MTUS2: variants seen among roughly 807,000 people sequenced by gnomAD.
MTUS2 encodes microtubule-associated tumor suppressor candidate 2.
In MTUS2, 40 loss-of-function variants were observed where a neutral mutation model predicts 114.1. The ratio of observed to expected loss-of-function variants is 0.35; its 90% CI spans 0.27 to 0.46. MTUS2 has a LOEUF of 0.46. MTUS2 is among the 20% of genes least tolerant of loss of function. The pLI, the probability that MTUS2 is intolerant of heterozygous loss-of-function variation, is 1.00. For synonymous variants in MTUS2, 688 were observed against 672.0 expected (o/e 1.02, Z -0.37); for missense variants, 1,679 against 1,705.4 (o/e 0.98, Z 0.27).
At chr13:29,484,388 C>T (rs1881435097) in intron 10 of MTUS2, among the ~76,000 whole-genome samples, 1 of 152,232 alleles carries the variant, frequency 6.6e-6, no homozygotes. Context: ...CCTGGGGGCC[C>T]TTGTCTCTCA....
At chr13:29,389,439 A>ATGTATACACGTGTGTG (rs1407024136) in intron 8 of MTUS2, among the ~76,000 whole-genome samples, 3 of 79,436 alleles carry the variant, frequency 3.8e-5, no homozygotes, top group African/African-American at 1.7e-4. Context: ...ACGTGTGTGT[A>ATGTATACACGTGTGTG]TGTGTATGTA....
chr13:28,896,575 A>G (rs974816429), intron 2 of MTUS2, among the ~76,000 whole-genome samples: 10 of 152,220 alleles, frequency 6.6e-5, no homozygotes, highest in African/African-American at 2.4e-4. Flanking sequence ...TGGAACCAAA[A>G]AAGAGCCCTC....
At chr13:28,934,619 G>A (rs1426877370) in intron 2 of MTUS2, among the ~76,000 whole-genome samples, 1 of 152,138 alleles carries the variant, frequency 6.6e-6, no homozygotes, top group Admixed American at 6.5e-5. Flanking sequence ...CCCCTCCCGG[G>A]TTCAAGCGAT....
chr13:29,107,885 T>C (rs970063557), intron 5 of MTUS2, among the ~76,000 whole-genome samples: 1 of 152,216 alleles, frequency 6.6e-6, no homozygotes, highest in Non-Finnish European at 1.5e-5. Flanking sequence ...CTTGTTTTAA[T>C]ATATAAAATA....
chr13:29,001,097 A>T (rs1885364741), intron 2 of MTUS2, among the ~76,000 whole-genome samples: 1 of 152,186 alleles, frequency 6.6e-6, no homozygotes, highest in African/African-American at 2.4e-5. Flanking sequence ...TTCAGGCCAC[A>T]CTGAGCAGCA....
chr13:29,401,920 T>C (rs1874380008), intron 8 of MTUS2, among the ~76,000 whole-genome samples: 1 of 152,218 alleles, frequency 6.6e-6, no homozygotes, highest in African/African-American at 2.4e-5. Context: ...ACCGGATTTG[T>C]ATATTAATTT....
At chr13:29,376,025 G>T (rs1369806656) in intron 8 of MTUS2, among the ~76,000 whole-genome samples, 1 of 24,504 alleles carries the variant, frequency 4.1e-5, no homozygotes, top group Non-Finnish European at 1.3e-4. Flanking sequence ...ATGTATGTGT[G>T]TGTATATATA....
intron 2 of MTUS2, among the ~76,000 whole-genome samples, chr13:28,887,118 A>G (rs1878636444): frequency 6.6e-6 from 1 of 152,204 alleles, no homozygotes; most frequent in Non-Finnish European, 1.5e-5. Context: ...GGTGCTGGCT[A>G]AGGAAGTTGG....
chr13:29,240,512 C>A (rs1478567994), intron 5 of MTUS2, among the ~76,000 whole-genome samples: 1 of 152,192 alleles, frequency 6.6e-6, no homozygotes, highest in African/African-American at 2.4e-5. Context: ...ATGTTGACTC[C>A]CACTTTTGCT....
At chr13:28,894,398 T>G (rs1482941544) in intron 2 of MTUS2, among the ~76,000 whole-genome samples, 2 of 147,530 alleles carry the variant, frequency 1.4e-5, no homozygotes, top group East Asian at 4.0e-4. Flanking sequence ...CTCTGCTATG[T>G]GGGGACACAG....
rs117069757 is a variant in MTUS2 at position 29,004,928 on chromosome 13, T to C, written c.-242-19529T>C. On this transcript the variant is annotated intron_variant, in intron 2 of 15. Coordinates refer to ENST00000612955, the MANE Select transcript of MTUS2 (RefSeq NM_001033602.4). ...GGGAATAAATAAAATGCATAGGAATTCAGAGGAGTGCAGTTGTCGAGTGCT... is the reference window on the plus strand; with the variant it reads ...GGGAATAAATAAAATGCATAGGAATCCAGAGGAGTGCAGTTGTCGAGTGCT... 8.8e-3 allele frequency among the ~76,000 whole-genome samples: 1,346 copies of C among 152,232 alleles called. 45 individuals carry two copies. The highest frequency in any genetic ancestry group is 0.065 in the Admixed American group (997 of 15,292).
chr13:29,298,968 G>T (rs912311634), intron 6 of MTUS2, among the ~76,000 whole-genome samples: 1 of 152,174 alleles, frequency 6.6e-6, no homozygotes, highest in African/African-American at 2.4e-5. Context: ...AGTCTAGATT[G>T]CTGTCACACT....
At chr13:28,823,256 A>G (rs1874032148) in intron 1 of MTUS2, among the ~76,000 whole-genome samples, 1 of 152,258 alleles carries the variant, frequency 6.6e-6, no homozygotes, top group Non-Finnish European at 1.5e-5. Context: ...ATTCCTCGAA[A>G]ATATCCTACA....
intron 5 of MTUS2, among the ~76,000 whole-genome samples, chr13:29,273,153 C>T (rs1897940094): frequency 6.6e-6 from 1 of 152,186 alleles, no homozygotes; most frequent in African/African-American, 2.4e-5. Flanking sequence ...CAAACCATAA[C>T]AGTAATGTAG....
At chr13:29,400,393 C>G (rs185258583) in intron 8 of MTUS2, among the ~76,000 whole-genome samples, 4 of 152,304 alleles carry the variant, frequency 2.6e-5, no homozygotes, top group Admixed American at 2.0e-4. Flanking sequence ...TTTGCCCTCG[C>G]AGCATTTATG....
intron 8 of MTUS2, among the ~76,000 whole-genome samples, chr13:29,389,271 ATG>A (rs747198628): frequency 1.0e-5 from 1 of 98,216 alleles, no homozygotes; most frequent in Non-Finnish European, 2.5e-5. Flanking sequence ...GTGTGTATAT[ATG>A]TATATATGTA....
chr13:29,473,033 G>A (rs1880431337), intron 9 of MTUS2, among the ~76,000 whole-genome samples: 1 of 151,936 alleles, frequency 6.6e-6, no homozygotes, highest in African/African-American at 2.4e-5. Context: ...ATCTAACTGT[G>A]GTATTGTCTA....
At chr13:29,434,284 A>C (rs975070709) in intron 8 of MTUS2, among the ~76,000 whole-genome samples, 6 of 152,136 alleles carry the variant, frequency 3.9e-5, no homozygotes, top group African/African-American at 1.4e-4. Flanking sequence ...AAAGGGGCCC[A>C]TCTGATGGGC....
chr13:29,465,834 C>A (rs959121308), intron 9 of MTUS2, among the ~76,000 whole-genome samples: 1 of 152,242 alleles, frequency 6.6e-6, no homozygotes, highest in Non-Finnish European at 1.5e-5. Flanking sequence ...AGTTAAAGGT[C>A]GCTTCTCTAA....
Sources: gnomAD v4.1 joint callset for allele counts (sites outside exome capture counted in the v4.1 genomes callset) on GRCh38, gnomAD v4.1.1 for gene constraint, MANE v1.5 for transcripts, NCBI Gene and HGNC (gene_info 2026-07-23, HGNC 2026-07-21) for gene names.